The following ZFP91 variants were observed in gnomAD, a reference collection of about 807,000 sequenced individuals.
ZFP91 encodes E3 ubiquitin-protein ligase ZFP91.
In ZFP91, 7 loss-of-function variants were observed where a neutral mutation model predicts 63.5. The ratio of observed to expected loss-of-function variants is 0.11; its 90% CI spans 0.06 to 0.21. The LOEUF is 0.21. Among genes scored for constraint, ZFP91 ranks in the 10% least tolerant of loss-of-function variants. The pLI is 1.00. For synonymous variants in ZFP91, 330 were observed against 272.1 expected, an observed-to-expected ratio of 1.21 and a Z score of -2.10; for missense variants, 628 against 736.6, an observed-to-expected ratio of 0.85 and a Z score of 1.71.
intron 2 of ZFP91, among the ~76,000 whole-genome samples, chr11:58,598,769 TGTG>T (rs1855446204): frequency 4.7e-5 from 7 of 148,678 alleles, no homozygotes; most frequent in Non-Finnish European, 7.4e-5. Context: ...TGTGTGTGTG[TGTG>T]TGTGTGTGTG....
chr11:58,612,777 C>T lies in ZFP91; in HGVS notation c.924C>T (p.Ile308=). Residue 308 remains isoleucine (I), a synonymous_variant, in exon 8 of 11, where the codon ATC becomes ATT. Transcript: ENST00000316059. The part of the protein sequence containing the change: ...RLPKRRKKPP[I]QYVRCEMEGC... Reference sequence around the variant, plus strand: ...TTGATAATAGAAAAAAGCCTCCAATCCAGTATGTCCGTTGTGAGATGGAAG... The same window carrying T: ...TTGATAATAGAAAAAAGCCTCCAATTCAGTATGTCCGTTGTGAGATGGAAG... 1 of 1,608,304 alleles carries T rather than the reference C, an allele frequency of 6.2e-7. No homozygotes were observed. Among genetic ancestry groups the T allele is most frequent in the Non-Finnish European group, 8.5e-7 (1 of 1,178,280 alleles).
At position 58,619,024 on chromosome 11, in the gene ZFP91, CT is replaced by C. The variant is rs1284138117; in HGVS notation, c.*1320del. On this transcript the variant is annotated 3_prime_UTR_variant, in exon 11 of 11. Transcript: ENST00000316059. The stretch of plus-strand genomic sequence containing the variant: ...ATCTCTGGCTCCTTGCTTTTTGTTT[CT>C]TGCTTTGCTTTATCAGTTCATTCCA... The C allele has an allele frequency of 4.9e-6, 1 of 202,232 alleles. No individual in the cohort carries two copies. The highest frequency in any genetic ancestry group is 1.6e-4 in the East Asian group (1 of 6,174). 12.5% of individuals were successfully genotyped at this position (202,232 alleles called of 1,614,324 possible). A position where few individuals can be genotyped will look rare whatever the true frequency, so the allele number is the denominator to read the frequency against.
Position 58,617,070 on chromosome 11 carries a change from T to TGTGTGTGTGTG in ZFP91, c.1203-126_1203-125insGTGTGTGTGTG, listed in dbSNP as rs374973993. The stretch of plus-strand genomic sequence containing the variant: ...TTCAAAAGAAGTATGTTACTGATTA[T>TGTGTGTGTGTG]TGTGTGTGTGTGTGTGTGTGTGTGT... On this transcript the variant is annotated intron_variant, in intron 10 of 10. Coordinates refer to ENST00000316059, the MANE Select transcript of ZFP91 (RefSeq NM_053023.5). This position sits in a 1 kb window ranked among gnomAD's most constrained non-coding sequence, Gnocchi z 4.2. 4.5e-6 allele frequency: 3 copies of TGTGTGTGTGTG among 672,138 alleles called. No individual in the cohort carries two copies. The African/African-American group carries it at 5.6e-5, about 13-fold the overall frequency. The allele number at this position is 672,138 out of a possible 1,614,324, so 41.6% of individuals were successfully genotyped here.
chr11:58,609,028 T>G (rs1342811284), intron 2 of ZFP91, among the ~76,000 whole-genome samples: 1 of 152,218 alleles, frequency 6.6e-6, no homozygotes, highest in African/African-American at 2.4e-5. Flanking sequence ...CCTTTCCCGT[T>G]CTGAGTTTAT....
chr11:58,595,955 C>G (rs1345340041), intron 2 of ZFP91, among the ~76,000 whole-genome samples: 2 of 151,996 alleles, frequency 1.3e-5, no homozygotes, highest in African/African-American at 4.8e-5. Context: ...TACAGTTGGC[C>G]CTTGAACAAC....
rs1855027635 is a variant in ZFP91 at position 58,579,118 on chromosome 11, G to A, written c.-164G>A. The A allele has an allele frequency of 1.9e-5, 10 of 532,388 alleles. No individual in the cohort carries two copies. Among genetic ancestry groups the A allele is most frequent in the East Asian group, 3.6e-5 (1 of 27,526 alleles). 33.0% of individuals were successfully genotyped at this position (532,388 alleles called of 1,614,324 possible). The stretch of plus-strand genomic sequence containing the variant: ...GCGGACCTTGAGTGGCAGGGGGTGG[G>A]GGGGGCGCCCTCGGAGCCGGGCGGA... On this transcript the variant is annotated 5_prime_UTR_variant, in exon 1 of 11. Coordinates refer to ENST00000316059, the MANE Select transcript of ZFP91 (RefSeq NM_053023.5).
At chr11:58,589,979 C>T (rs1164009282) in intron 2 of ZFP91, among the ~76,000 whole-genome samples, 1 of 152,122 alleles carries the variant, frequency 6.6e-6, no homozygotes, top group Non-Finnish European at 1.5e-5. Flanking sequence ...CAACTTATTG[C>T]CATCTTCGAC....
chr11:58,588,998 T>C (rs1855259314), intron 2 of ZFP91, among the ~76,000 whole-genome samples: 1 of 152,090 alleles, frequency 6.6e-6, no homozygotes, highest in African/African-American at 2.4e-5. Flanking sequence ...AGAAAAAGAG[T>C]TCTGGAAGGA....
intron 2 of ZFP91, among the ~76,000 whole-genome samples, chr11:58,604,092 C>T (rs913850792): frequency 6.6e-6 from 1 of 152,132 alleles, no homozygotes; most frequent in African/African-American, 2.4e-5. Flanking sequence ...TTTTAGGGAA[C>T]CAGAAGGTAC....
intron 5 of ZFP91, 123 bp downstream of exon 5, chr11:58,611,177 AT>A: frequency 1.4e-6 from 1 of 715,608 alleles, no homozygotes; most frequent in South Asian, 2.2e-5. Flanking sequence ...TGAGTAATTA[AT>A]TATGCACTTC....
At chr11:58,579,696 C>T (rs1855065294) in intron 1 of ZFP91, 74 bp downstream of exon 1, 3 of 1,356,174 alleles carry the variant, frequency 2.2e-6, no homozygotes, top group South Asian at 1.5e-5. Context: ...TCCCGTAGCG[C>T]CTACTCCACG....
At chr11:58,615,624 AG>A (rs1855737589) in intron 9 of ZFP91, among the ~76,000 whole-genome samples, 2 of 152,144 alleles carry the variant, frequency 1.3e-5, no homozygotes, top group Admixed American at 6.5e-5. Context: ...AGATGCTAAG[AG>A]TTTCCTAAGT....
rs1156311099 is a variant in ZFP91, at chr11:58,610,342, A to C, written c.617+8A>C. 1.9e-6 allele frequency: 3 copies of C among 1,583,006 alleles called. No homozygotes were observed. The highest frequency in any genetic ancestry group is 2.6e-6 in the Non-Finnish European group (3 of 1,171,426). On this transcript the variant is annotated splice_region_variant and intron_variant, in intron 4 of 10. Transcript: ENST00000316059. ...GTCTCCAGGTGGCATTAGGTAAAAA[A>C]AACATTAATATTTCATTTTTAAACC... is the stretch of plus-strand genomic sequence containing the variant.
intron 1 of ZFP91, among the ~76,000 whole-genome samples, chr11:58,583,634 T>C (rs1855155444): frequency 6.6e-6 from 1 of 152,108 alleles, no homozygotes; most frequent in Admixed American, 6.5e-5. Context: ...AAAAGTTTGT[T>C]ATATAATTTT....
At chr11:58,610,406 GT>G in intron 4 of ZFP91, 72 bp downstream of exon 4, 1 of 1,391,456 alleles carries the variant, frequency 7.2e-7, no homozygotes, top group Non-Finnish European at 9.6e-7. Context: ...TGATTCAGAA[GT>G]TGCTTCCATT....
In ZFP91 at chr11:58,620,770, C is replaced by G. The variant is rs1375114258; in HGVS notation, c.*3064C>G. The G allele has an allele frequency of 2.6e-5, 4 of 152,478 alleles. No homozygotes were observed. The highest frequency in any genetic ancestry group is 9.7e-5 in the African/African-American group (4 of 41,376). 9.4% of individuals were successfully genotyped at this position (152,478 alleles called of 1,614,324 possible). On this transcript the variant is annotated 3_prime_UTR_variant, in exon 11 of 11. Transcript: ENST00000316059. ...TCTCCTTTTGTGTTTTTCCCACTTT[C>G]CAATGTACTCAAGAAAATTGAACAA...
chr11:58,604,430 G>GT (rs1201375558), intron 2 of ZFP91, among the ~76,000 whole-genome samples: 1 of 152,154 alleles, frequency 6.6e-6, no homozygotes, highest in Non-Finnish European at 1.5e-5. Flanking sequence ...AGTGTGGTCT[G>GT]TTATTGTGTT....
intron 2 of ZFP91, among the ~76,000 whole-genome samples, chr11:58,587,918 A>G (rs1187943025): frequency 2.0e-5 from 3 of 152,058 alleles, no homozygotes; most frequent in African/African-American, 7.3e-5. Context: ...TGGAATGATA[A>G]TAAATACTGT....
intron 2 of ZFP91, among the ~76,000 whole-genome samples, chr11:58,601,219 A>G (rs1855486031): frequency 6.6e-6 from 1 of 152,110 alleles, no homozygotes; most frequent in Non-Finnish European, 1.5e-5. Context: ...AACCAATGAA[A>G]CCATCTAGAG....
Sources: gnomAD v4.1 joint callset for allele counts (sites outside exome capture counted in the v4.1 genomes callset) on GRCh38, gnomAD v4.1.1 for gene constraint, Gnocchi (gnomAD v3.1) non-coding constraint, MANE v1.5 for transcripts, NCBI Gene and HGNC (gene_info 2026-07-23, HGNC 2026-07-21) for gene names.